Variants in COX7B2 observed in about 807,000 individuals in gnomAD.
The protein encoded by COX7B2 is cytochrome c oxidase subunit 7B2, mitochondrial.
For missense variants in COX7B2, 109 were observed against 95.9 expected (o/e 1.14, Z -0.57); for synonymous variants, 37 against 32.1 (o/e 1.15, Z -0.51).
intron 2 of COX7B2, among the ~76,000 whole-genome samples, chr4:46,832,076 G>A (rs1309845589): frequency 1.3e-5 from 2 of 152,186 alleles, no homozygotes; most frequent in Non-Finnish European, 2.9e-5. Context: ...CCAGATAAGA[G>A]AATAAAAGCA....
chr4:46,793,685 G>T (rs748596494), intron 2 of COX7B2, among the ~76,000 whole-genome samples: 1 of 152,222 alleles, frequency 6.6e-6, no homozygotes. Flanking sequence ...CCACAGGGCT[G>T]AGACTGCTGA....
At chr4:46,738,585 T>C (rs1714510476) in intron 2 of COX7B2, among the ~76,000 whole-genome samples, 1 of 152,100 alleles carries the variant, frequency 6.6e-6, no homozygotes, top group Non-Finnish European at 1.5e-5. Context: ...ATTCAAGGAA[T>C]TTTCCATATT....
rs17641171 is a variant in COX7B2 at position 46,909,192 on chromosome 4, C to T, written c.-137G>A. The T allele has an allele frequency of 0.24, 36,997 of 152,064 alleles. 4,711 individuals carry two copies. The highest frequency in any genetic ancestry group is 0.29 in the East Asian group (1,488 of 5,166). The allele number at this position is 152,064 out of a possible 1,614,324, so 9.4% of individuals were successfully genotyped here. A position where few individuals can be genotyped will look rare whatever the true frequency, so the allele number is the denominator to read the frequency against. On this transcript the variant is annotated 5_prime_UTR_variant, in exon 1 of 3. Coordinates refer to ENST00000355591, the MANE Select transcript of COX7B2 (RefSeq NM_130902.3). ...GTCACAGGTAACAGGCAAAAAAAGA[C>T]GGCGCAGAGGCAAATTCCGAACCTT...
intron 1 of COX7B2, among the ~76,000 whole-genome samples, chr4:46,891,062 A>G (rs2109870823): frequency 6.6e-6 from 1 of 152,316 alleles, no homozygotes; most frequent in Middle Eastern, 3.4e-3. Flanking sequence ...AAACTTCAAA[A>G]GTTGTTGAAC....
chr4:46,880,346 A>T (rs972304208), intron 1 of COX7B2, among the ~76,000 whole-genome samples: 6 of 147,404 alleles, frequency 4.1e-5, no homozygotes, highest in African/African-American at 1.2e-4. Context: ...TTTTGTAGGA[A>T]TGGTACCAAC....
chr4:46,762,155 C>T (rs979649044), intron 2 of COX7B2, among the ~76,000 whole-genome samples: 1 of 86,308 alleles, frequency 1.2e-5, no homozygotes, highest in Non-Finnish European at 2.6e-5. Context: ...ATAATAACAC[C>T]TATTGTAGTC....
At chr4:46,897,093 G>A (rs925557504) in intron 1 of COX7B2, among the ~76,000 whole-genome samples, 3 of 152,152 alleles carry the variant, frequency 2.0e-5, no homozygotes, top group African/African-American at 7.2e-5. Context: ...TTGTTTTGTA[G>A]ACTATGGCTG....
In COX7B2 at chr4:46,748,044, A is replaced by G. The variant is rs142504216; in HGVS notation, c.-49-12803T>C. The stretch of plus-strand genomic sequence containing the variant: ...GCCATTTATATTTACTTCAAAGTTC[A>G]TGATGTTGCATCAACACCTATAACT... On this transcript the variant is annotated intron_variant, in intron 2 of 2. Transcript: ENST00000355591. 3.6e-3 allele frequency among the ~76,000 whole-genome samples: 555 copies of G among 152,198 alleles called. 4 individuals carry two copies. Among genetic ancestry groups the G allele is most frequent in the African/African-American group, 0.013 (529 of 41,554 alleles).
At chr4:46,797,066 C>A in intron 2 of COX7B2, among the ~76,000 whole-genome samples, 1 of 85,800 alleles carries the variant, frequency 1.2e-5, no homozygotes, top group Non-Finnish European at 1.9e-5. Flanking sequence ...ACAATGTGCA[C>A]ATGTACCCTA....
intron 2 of COX7B2, among the ~76,000 whole-genome samples, chr4:46,790,521 T>C (rs921820693): frequency 1.3e-5 from 2 of 152,202 alleles, no homozygotes; most frequent in East Asian, 3.8e-4. Flanking sequence ...TCCTTTTCCA[T>C]TGTCACTGCC....
At chr4:46,798,255 C>A (rs932611127) in intron 2 of COX7B2, among the ~76,000 whole-genome samples, 1 of 152,148 alleles carries the variant, frequency 6.6e-6, no homozygotes, top group Admixed American at 6.5e-5. Context: ...TGCAACTGGC[C>A]TCTCCTAGAA....
intron 1 of COX7B2, among the ~76,000 whole-genome samples, chr4:46,892,590 A>G (rs1376393515): frequency 1.3e-5 from 2 of 152,156 alleles, no homozygotes. Flanking sequence ...TGACTCTTTC[A>G]CCCAAAACCT....
chr4:46,872,389 G>A (rs1265644404), intron 1 of COX7B2, among the ~76,000 whole-genome samples: 1 of 152,052 alleles, frequency 6.6e-6, no homozygotes, highest in African/African-American at 2.4e-5. Context: ...TTAATTCCTG[G>A]GTGATGAAGT....
intron 2 of COX7B2, among the ~76,000 whole-genome samples, chr4:46,736,610 T>C (rs1318295239): frequency 6.6e-6 from 1 of 152,186 alleles, no homozygotes; most frequent in Non-Finnish European, 1.5e-5. Flanking sequence ...CGGTTTCACC[T>C]ATTCATCTTT....
chr4:46,739,888 C>A (rs1320023871), intron 2 of COX7B2, among the ~76,000 whole-genome samples: 1 of 152,040 alleles, frequency 6.6e-6, no homozygotes, highest in Non-Finnish European at 1.5e-5. Flanking sequence ...TGGCATTTGA[C>A]TCAATTCTAC....
intron 2 of COX7B2, among the ~76,000 whole-genome samples, chr4:46,777,386 G>A (rs1717212220): frequency 6.6e-6 from 1 of 152,138 alleles, no homozygotes; most frequent in Non-Finnish European, 1.5e-5. Context: ...CAGAGAGAGA[G>A]AGAGAGACAG....
chr4:46,757,239 A>G (rs367684756), intron 2 of COX7B2, among the ~76,000 whole-genome samples: 3 of 148,398 alleles, frequency 2.0e-5, no homozygotes, highest in East Asian at 4.2e-4. Flanking sequence ...GTTCTCACTT[A>G]TAAGTGGGAG....
intron 2 of COX7B2, among the ~76,000 whole-genome samples, chr4:46,827,849 G>A (rs2109715154): frequency 6.6e-6 from 1 of 152,168 alleles, no homozygotes; most frequent in East Asian, 1.9e-4. Flanking sequence ...CAAATTACAT[G>A]GTTCCATTTA....
intron 2 of COX7B2, among the ~76,000 whole-genome samples, chr4:46,761,490 G>C (rs143895354): frequency 6.6e-6 from 1 of 152,228 alleles, no homozygotes; most frequent in African/African-American, 2.4e-5. Flanking sequence ...TGGTCCGAGG[G>C]CAGGTGAAAG....
Sources: gnomAD v4.1 joint callset for allele counts (sites outside exome capture counted in the v4.1 genomes callset) on GRCh38, gnomAD v4.1.1 for gene constraint, MANE v1.5 for transcripts, NCBI Gene and HGNC (gene_info 2026-07-23, HGNC 2026-07-21) for gene names.